Variants in DDX42 observed in about 807,000 individuals in gnomAD.
The protein encoded by DDX42 is ATP-dependent RNA helicase DDX42.
In DDX42, 22 loss-of-function variants were observed where a neutral mutation model predicts 101.5. The observed-to-expected ratio is 0.22, with a 90% CI of 0.15 to 0.31. The LOEUF (loss-of-function observed/expected upper bound fraction) is 0.31, where lower values mean the gene tolerates loss of function less well. DDX42 is among the 10% of genes least tolerant of loss of function. The pLI is 1.00. For synonymous variants in DDX42, 402 were observed against 401.2 expected (o/e 1.00, Z -0.02); for missense variants, 849 against 1,199.9 (o/e 0.71, Z 4.32).
chr17:63,807,165 G>C (rs79500524), intron 8 of DDX42, among the ~76,000 whole-genome samples: 6,424 of 152,140 alleles, frequency 0.042, 475 homozygotes, highest in African/African-American at 0.15. Flanking sequence ...TTTGGGGACA[G>C]AGTCTCACTC....
At chr17:63,816,509 T>G (rs1264355474) in intron 16 of DDX42, 1 of 164,362 alleles carries the variant, frequency 6.1e-6, no homozygotes, top group Non-Finnish European at 1.3e-5. Flanking sequence ...CCCTTCATGG[T>G]CTTGATTCAG....
intron 8 of DDX42, 83 bp downstream of exon 8, chr17:63,806,737 AAC>A (rs1278916275): frequency 1.4e-6 from 2 of 1,455,490 alleles, no homozygotes; most frequent in Non-Finnish European, 1.8e-6. Flanking sequence ...ACAGCAGTAA[AAC>A]AGTGTTTAGT....
chr17:63,804,105 ATTTTT>A (rs577401633), intron 6 of DDX42, among the ~76,000 whole-genome samples: 3 of 148,320 alleles, frequency 2.0e-5, no homozygotes, highest in Non-Finnish European at 3.0e-5. Context: ...CAGAACTATG[ATTTTT>A]TTTTTTAACT....
At chr17:63,788,590 G>C (rs1413697345) in intron 2 of DDX42, among the ~76,000 whole-genome samples, 1 of 152,158 alleles carries the variant, frequency 6.6e-6, no homozygotes, top group Non-Finnish European at 1.5e-5. Flanking sequence ...ATACAGGCGT[G>C]AGCCACTGGG....
At chr17:63,811,514 T>TA (rs2039909916) in intron 13 of DDX42, 1 of 347,102 alleles carries the variant, frequency 2.9e-6, no homozygotes, top group Non-Finnish European at 5.2e-6. Flanking sequence ...GGAACTGACG[T>TA]TTTAATTATT....
In DDX42 at chr17:63,807,861, T is replaced by G. The variant is rs371713179; in HGVS notation, c.984T>G (p.Ile328Met). The G allele has an allele frequency of 1.2e-6, 2 of 1,613,972 alleles. No individual in the cohort carries two copies. Among genetic ancestry groups the G allele is most frequent in the East Asian group, 4.5e-5 (2 of 44,868 alleles). The change falls in exon 9 of 18, where the codon ATT (isoleucine) becomes ATG (methionine). Residue 328 changes from isoleucine (I) to methionine (M), a missense_variant. This residue lies in a region of DDX42 where 370 missense variants were observed against 608.8 expected (regional missense o/e 0.61). Transcript: ENST00000389924. ...AGTTGGAACCAGGTGATGGACCAATTGCAGTGATTGTGTGTCCTACCAGGG... is the reference window on the plus strand; with the variant it reads ...AGTTGGAACCAGGTGATGGACCAATGGCAGTGATTGTGTGTCCTACCAGGG... The part of the protein sequence containing the change: ...QKELEPGDGP[I>M]AVIVCPTREL...
chr17:63,817,665 C>T (rs756340366), intron 17 of DDX42, 29 bp from the exon 18 acceptor site: 1 of 1,601,098 alleles, frequency 6.2e-7, no homozygotes, highest in Non-Finnish European at 8.5e-7. Context: ...TGCTATCTTA[C>T]CTACTCCTGA....
chr17:63,783,642 A>G lies in DDX42; in HGVS notation c.-16-3392A>G, dbSNP rs145360002. On this transcript the variant is annotated intron_variant, in intron 1 of 17. Coordinates refer to ENST00000389924, the MANE Select transcript of DDX42 (RefSeq NM_203499.3). ...ACAGCAGGAGATGAAGTTCAGGTAA[A>G]TTAGTACTTACTAAATACATACCTT... Among the ~76,000 whole-genome samples the G allele has an allele frequency of 5.8e-4, 89 of 152,328 alleles. No homozygotes were observed. The East Asian group carries it at 0.013, about 22-fold the overall frequency.
chr17:63,818,491 G>A lies in DDX42; in HGVS notation c.*93G>A. 2 of 1,174,514 alleles carry A rather than the reference G, an allele frequency of 1.7e-6. No homozygotes were observed. Among genetic ancestry groups the A allele is most frequent in the South Asian group, 1.5e-5 (1 of 65,738 alleles). The allele number at this position is 1,174,514 out of a possible 1,614,324, so 72.8% of individuals were successfully genotyped here. On this transcript the variant is annotated 3_prime_UTR_variant, in exon 18 of 18. Transcript: ENST00000389924. ...TCAGGGCTGGGTTGGGGTCCAAAGT[G>A]TAAGGACCCCCTGCCCTTAGTGGAG...
In DDX42 at chr17:63,818,981, G is replaced by A. The variant is rs1389759769; in HGVS notation, c.*583G>A. ...ATGTAGGAAACACCTTTCAGACCCA[G>A]GCTCTGAAGATTCCCAGAAGCCACA... On this transcript the variant is annotated 3_prime_UTR_variant, in exon 18 of 18. Transcript: ENST00000389924. 1 of 152,738 alleles carries A rather than the reference G, an allele frequency of 6.5e-6. No homozygotes were observed. The highest frequency in any genetic ancestry group is 1.9e-4 in the East Asian group (1 of 5,198). The allele number at this position is 152,738 out of a possible 1,614,324, so 9.5% of individuals were successfully genotyped here. A position where few individuals can be genotyped will look rare whatever the true frequency, so the allele number is the denominator to read the frequency against.
intron 6 of DDX42, among the ~76,000 whole-genome samples, chr17:63,803,648 C>G (rs769756425): frequency 7.6e-5 from 11 of 144,632 alleles, no homozygotes; most frequent in Non-Finnish European, 1.5e-4. Context: ...TTTTCCTTTG[C>G]TTTTTTTTCT....
At chr17:63,793,896 A>G (rs2039660215) in intron 3 of DDX42, among the ~76,000 whole-genome samples, 1 of 150,172 alleles carries the variant, frequency 6.7e-6, no homozygotes, top group South Asian at 2.1e-4. Flanking sequence ...TTAACTGATA[A>G]CAAAACCGAG....
At chr17:63,782,666 C>T (rs967900512) in intron 1 of DDX42, among the ~76,000 whole-genome samples, 7 of 152,154 alleles carry the variant, frequency 4.6e-5, no homozygotes, top group Admixed American at 1.3e-4. Context: ...ATCCATCCCC[C>T]GTTTCTCCTT....
intron 15 of DDX42, among the ~76,000 whole-genome samples, chr17:63,813,871 A>T (rs571504347): frequency 6.6e-6 from 1 of 151,012 alleles, no homozygotes; most frequent in South Asian, 2.1e-4. Context: ...ACAGAATCTC[A>T]CTCTATCGCC....
chr17:63,808,258 A>C (rs1397465769), intron 9 of DDX42, among the ~76,000 whole-genome samples: 1 of 152,002 alleles, frequency 6.6e-6, no homozygotes, highest in Non-Finnish European at 1.5e-5. Flanking sequence ...GCTCACTGCA[A>C]CCTCCACCTC....
Position 63,792,445 on chromosome 17 carries a change from C to A in DDX42, c.255C>A (p.Asn85Lys). 1 of 1,612,990 alleles carries A rather than the reference C, an allele frequency of 6.2e-7. No homozygotes were observed. ...YFEDEEEDSSNVDLPYIPAEN... is the reference protein window; with the variant it reads ...YFEDEEEDSSKVDLPYIPAEN... Reference sequence around the variant, plus strand: ...AAGATGAGGAAGAAGATTCTAGCAACGTTGATTTACCTTACATTCCTGCTG... The same window carrying A: ...AAGATGAGGAAGAAGATTCTAGCAAAGTTGATTTACCTTACATTCCTGCTG... Residue 85 changes from asparagine to lysine, a missense_variant, in exon 3 of 18, where the codon AAC becomes AAA. By Grantham distance (94) the Asn-to-Lys change is moderately conservative (BLOSUM62 0). This residue lies in a region of DDX42 where 92 missense variants were observed against 106.7 expected (regional missense o/e 0.86). Coordinates refer to ENST00000389924, the MANE Select transcript of DDX42 (RefSeq NM_203499.3).
chr17:63,804,116 T>TA (rs1694123963), intron 6 of DDX42, among the ~76,000 whole-genome samples: 1 of 151,950 alleles, frequency 6.6e-6, no homozygotes, highest in African/African-American at 2.4e-5. Context: ...TTTTTTTTTT[T>TA]AACTACCTAT....
chr17:63,817,576 A>G (rs1598345810), intron 17 of DDX42, 118 bp from the exon 18 acceptor site: 1 of 995,926 alleles, frequency 1.0e-6, no homozygotes, highest in East Asian at 2.6e-5. Flanking sequence ...TCAGGACACT[A>G]AACTCACAGT....
intron 16 of DDX42, 78 bp downstream of exon 16, chr17:63,815,751 C>A: frequency 1.0e-6 from 1 of 1,002,836 alleles, no homozygotes; most frequent in Non-Finnish European, 1.5e-6. Context: ...TCTCATCTAC[C>A]CAGGAAAGCC....
Sources: gnomAD v4.1 joint callset for allele counts (sites outside exome capture counted in the v4.1 genomes callset) on GRCh38, gnomAD v4.1.1 for gene constraint, gnomAD v4.1.1 regional missense constraint, MANE v1.5 for transcripts, NCBI Gene and HGNC (gene_info 2026-07-23, HGNC 2026-07-21) for gene names.